Variants in ARHGAP31 observed in about 807,000 individuals in gnomAD.
ARHGAP31 encodes Rho GTPase activating protein 31.
ARHGAP31 carries 34 observed loss-of-function variants against 113.9 expected under a neutral mutation model. That is an observed-to-expected ratio of 0.30 (90% CI 0.23 to 0.40). The LOEUF (loss-of-function observed/expected upper bound fraction) is 0.40. Among genes scored for constraint, ARHGAP31 ranks in the 10% least tolerant of loss-of-function variants. The probability of loss-of-function intolerance (pLI) is 1.00; values close to 1 mark genes in which losing one functional copy is unlikely to be tolerated. For synonymous variants in ARHGAP31, 650 were observed against 684.8 expected (o/e 0.95, Z 0.79); for missense variants, 1,548 against 1,767.1 (o/e 0.88, Z 2.22).
At chr3:119,386,691 C>G (rs2080451955) in intron 6 of ARHGAP31, among the ~76,000 whole-genome samples, 1 of 152,110 alleles carries the variant, frequency 6.6e-6, no homozygotes, top group South Asian at 2.1e-4. Context: ...AGTAGTGGCC[C>G]CAAATGTCGG....
chr3:119,358,269 T>C (rs769966241), intron 1 of ARHGAP31, among the ~76,000 whole-genome samples: 1 of 152,200 alleles, frequency 6.6e-6, no homozygotes, highest in Non-Finnish European at 1.5e-5. Context: ...TGTTCTACAT[T>C]GTTATCAGGG....
At position 119,414,384 on chromosome 3, in the gene ARHGAP31, A is replaced by G. The variant is rs755464720; in HGVS notation, c.2455A>G (p.Ile819Val). 6.2e-7 allele frequency: 1 copy of G among 1,614,120 alleles called. No individual in the cohort carries two copies. The highest frequency in any genetic ancestry group is 1.3e-5 in the African/African-American group (1 of 74,946). The change falls in exon 12 of 12, where the codon ATA becomes GTA. Residue 819 changes from isoleucine to valine, a missense_variant. Coordinates refer to ENST00000264245, the MANE Select transcript of ARHGAP31 (RefSeq NM_020754.4). ...SSRKLRTDLY[I>V]DQLKSQDSPE... ...CAGGAAATTGAGGACAGATCTCTAC[A>G]TAGACCAGCTGAAGTCCCAAGACAG...
At chr3:119,383,356 T>G in intron 6 of ARHGAP31, 130 bp downstream of exon 6, 1 of 1,158,148 alleles carries the variant, frequency 8.6e-7, no homozygotes, top group Non-Finnish European at 1.3e-6. Flanking sequence ...TGCTGACTAC[T>G]GTGTGTCAGT....
At chr3:119,323,416 A>G (rs1288493083) in intron 1 of ARHGAP31, among the ~76,000 whole-genome samples, 2 of 152,176 alleles carry the variant, frequency 1.3e-5, no homozygotes, top group Admixed American at 1.3e-4. Flanking sequence ...GCGGGTAGAG[A>G]AAGGAGGTGC....
intron 1 of ARHGAP31, among the ~76,000 whole-genome samples, chr3:119,323,151 GACTCA>G (rs2079808364): frequency 6.6e-6 from 1 of 152,146 alleles, no homozygotes; most frequent in Non-Finnish European, 1.5e-5. Flanking sequence ...CGGCGCTGGG[GACTCA>G]CACGCTGCGG....
At chr3:119,307,676 C>G (rs550893454) in intron 1 of ARHGAP31, among the ~76,000 whole-genome samples, 1 of 152,084 alleles carries the variant, frequency 6.6e-6, no homozygotes, top group Admixed American at 6.6e-5. Context: ...AATAATTCTT[C>G]CTCCCTTATA....
Position 119,401,908 on chromosome 3 carries a change from G to A in ARHGAP31, c.1156G>A (p.Gly386Ser), listed in dbSNP as rs1343851131. ...AACAAAGATGCACTCCACCGGCACC[G>A]GCAGCTCATGTGACCTCACCAAGCA... ...PATKMHSTGT[G>S]SSCDLTKQEG... The change falls in exon 10 of 12, where the codon GGC (glycine) becomes AGC (serine). Residue 386 changes from glycine to serine, a missense_variant. Gly to Ser is a moderately conservative substitution (Grantham distance 56, BLOSUM62 0). Coordinates refer to ENST00000264245, the MANE Select transcript of ARHGAP31 (RefSeq NM_020754.4). 6.2e-7 allele frequency: 1 copy of A among 1,614,032 alleles called. No homozygotes were observed. The highest frequency in any genetic ancestry group is 8.5e-7 in the Non-Finnish European group (1 of 1,179,992).
chr3:119,413,426 G>A (rs1457950470), intron 11 of ARHGAP31, among the ~76,000 whole-genome samples: 1 of 151,836 alleles, frequency 6.6e-6, no homozygotes, highest in Non-Finnish European at 1.5e-5. Context: ...TCTCATTCTT[G>A]TGTGCCTTCT....
intron 1 of ARHGAP31, among the ~76,000 whole-genome samples, chr3:119,299,242 C>G (rs1370703897): frequency 6.6e-6 from 1 of 152,204 alleles, no homozygotes; most frequent in Non-Finnish European, 1.5e-5. Context: ...GATACTTAGG[C>G]AGGTTGTAAT....
chr3:119,325,735 A>G (rs2079835655), intron 1 of ARHGAP31, among the ~76,000 whole-genome samples: 1 of 152,214 alleles, frequency 6.6e-6, no homozygotes, highest in Non-Finnish European at 1.5e-5. Context: ...AGTGGCGAGA[A>G]GAAACTCAGG....
intron 1 of ARHGAP31, among the ~76,000 whole-genome samples, chr3:119,344,259 T>C (rs1461371036): frequency 6.6e-6 from 1 of 152,220 alleles, no homozygotes; most frequent in Non-Finnish European, 1.5e-5. Context: ...ATTTTATCTG[T>C]CAACTCTAAT....
chr3:119,391,020 G>A (rs563000953), intron 7 of ARHGAP31, 37 bp downstream of exon 7: 2 of 1,605,066 alleles, frequency 1.2e-6, no homozygotes, highest in Admixed American at 1.7e-5. Context: ...TAGGAGATGT[G>A]TGGTTGAAGA....
chr3:119,297,926 A>G (rs1327149361), intron 1 of ARHGAP31, among the ~76,000 whole-genome samples: 5 of 148,822 alleles, frequency 3.4e-5, no homozygotes, highest in Non-Finnish European at 5.9e-5. Flanking sequence ...ACACACACAC[A>G]CACACACACA....
intron 1 of ARHGAP31, among the ~76,000 whole-genome samples, chr3:119,348,374 TC>T (rs200009258): frequency 0.018 from 2,779 of 152,148 alleles, 51 homozygotes; most frequent in East Asian, 0.06. Flanking sequence ...ACGAAACCGG[TC>T]CCCGGTGCCA....
chr3:119,323,277 A>C (rs534331041), intron 1 of ARHGAP31, among the ~76,000 whole-genome samples: 5 of 151,984 alleles, frequency 3.3e-5, no homozygotes, highest in Admixed American at 2.6e-4. Context: ...GAAAGCCCAG[A>C]AGCGGGGAAA....
chr3:119,343,906 C>G (rs184502101), intron 1 of ARHGAP31, among the ~76,000 whole-genome samples: 1 of 152,336 alleles, frequency 6.6e-6, no homozygotes, highest in Admixed American at 6.5e-5. Flanking sequence ...AGTTCCTCCT[C>G]CTGGTGGAAG....
chr3:119,398,458 A>G (rs2080570798), intron 8 of ARHGAP31, among the ~76,000 whole-genome samples: 1 of 152,106 alleles, frequency 6.6e-6, no homozygotes, highest in Non-Finnish European at 1.5e-5. Flanking sequence ...CTCGACCTAG[A>G]AGGAACTACC....
intron 1 of ARHGAP31, among the ~76,000 whole-genome samples, chr3:119,311,996 A>G (rs1245228007): frequency 1.3e-5 from 2 of 152,234 alleles, no homozygotes; most frequent in Non-Finnish European, 2.9e-5. Flanking sequence ...TTCTCAAAAG[A>G]GAACAAAGGT....
chr3:119,366,417 AT>A (rs1473965895), intron 2 of ARHGAP31, among the ~76,000 whole-genome samples: 1 of 152,130 alleles, frequency 6.6e-6, no homozygotes, highest in Non-Finnish European at 1.5e-5. Flanking sequence ...TACCAAAAAA[AT>A]AGAGCATCTT....
Sources: gnomAD v4.1 joint callset for allele counts (sites outside exome capture counted in the v4.1 genomes callset) on GRCh38, gnomAD v4.1.1 for gene constraint, MANE v1.5 for transcripts, NCBI Gene and HGNC (gene_info 2026-07-23, HGNC 2026-07-21) for gene names.